CSMD2: variants seen among roughly 807,000 people sequenced by gnomAD.
The protein encoded by CSMD2 is CUB and sushi domain-containing protein 2.
A neutral mutation model predicts 398.5 loss-of-function variants in CSMD2; 130 were observed. The ratio of observed to expected loss-of-function variants is 0.33; its 90% confidence interval spans 0.28 to 0.38. The LOEUF is 0.38. CSMD2 is among the 10% of genes least tolerant of loss of function. The pLI is 1.00. For synonymous variants in CSMD2, 1,828 were observed against 1,908.5 expected (o/e 0.96, Z 1.10); for missense variants, 3,829 against 4,764.9 (o/e 0.80, Z 5.78).
intron 1 of CSMD2, among the ~76,000 whole-genome samples, chr1:34,127,849 CA>C (rs1662902782): frequency 6.6e-6 from 1 of 151,866 alleles, no homozygotes; most frequent in East Asian, 1.9e-4. Context: ...AAGGGATGCA[CA>C]GTGGAGACTG....
rs373767894 is a variant in CSMD2, at chr1:33,825,783, G to T, written c.1034-9C>A. On this transcript the variant is annotated splice_polypyrimidine_tract_variant and intron_variant, in intron 6 of 70. Transcript: ENST00000373381. ...CTCAATTTGCTTCTTGACTAGAGAG[G>T]AGGTAAGAGGAAAAACAATGTGAGT... The T allele has an allele frequency of 6.2e-7, 1 of 1,611,424 alleles. No homozygotes were observed. The highest frequency in any genetic ancestry group is 8.5e-7 in the Non-Finnish European group (1 of 1,178,122).
chr1:33,743,221 T>C, intron 14 of CSMD2, 59 bp downstream of exon 14: 1 of 1,449,520 alleles, frequency 6.9e-7, no homozygotes, highest in Non-Finnish European at 9.4e-7. Flanking sequence ...GCACCTTCGA[T>C]CATCCTCAGA....
chr1:33,866,319 A>T (rs551700879), intron 5 of CSMD2, among the ~76,000 whole-genome samples: 1 of 152,272 alleles, frequency 6.6e-6, no homozygotes, highest in East Asian at 1.9e-4. Context: ...GACAGGAGAG[A>T]TGGACTTGGG....
At position 33,625,118 on chromosome 1, in the gene CSMD2, T is replaced by A. The variant is rs1642027053; in HGVS notation, c.5433A>T (p.Pro1811=). Residue 1811 remains proline (P), a synonymous_variant, in exon 34 of 71, where the codon CCA becomes CCT. Transcript: ENST00000373381. ...CNSGYALQGS[P]EIECLPVPGA... is the part of the protein sequence containing the mutation. Reference sequence around the variant, plus strand: ...CAGGCACAGGGAGGCACTCGATCTCTGGCGACCCCTGCAGGGCATAGCCGG... The same window carrying A: ...CAGGCACAGGGAGGCACTCGATCTCAGGCGACCCCTGCAGGGCATAGCCGG... 1 of 1,613,926 alleles carries A rather than the reference T, an allele frequency of 6.2e-7. No individual in the cohort carries two copies.
intron 58 of CSMD2, among the ~76,000 whole-genome samples, chr1:33,542,465 G>C (rs1267355239): frequency 6.6e-6 from 1 of 152,160 alleles, no homozygotes; most frequent in Non-Finnish European, 1.5e-5. Context: ...TACAAAATGG[G>C]GATAATAGTA....
chr1:33,761,625 C>T (rs1649825741), intron 13 of CSMD2, among the ~76,000 whole-genome samples: 1 of 152,152 alleles, frequency 6.6e-6, no homozygotes, highest in Non-Finnish European at 1.5e-5. Flanking sequence ...AGGGCCTGTC[C>T]TCTTCACTTG....
At chr1:34,156,501 C>T (rs1640817156) in intron 1 of CSMD2, among the ~76,000 whole-genome samples, 1 of 152,216 alleles carries the variant, frequency 6.6e-6, no homozygotes, top group Admixed American at 6.5e-5. Flanking sequence ...ATCCGTCACA[C>T]TCACTTACTT....
intron 4 of CSMD2, among the ~76,000 whole-genome samples, chr1:33,921,782 G>GT (rs1330745989): frequency 1.3e-5 from 2 of 152,130 alleles, no homozygotes; most frequent in Non-Finnish European, 2.9e-5. Context: ...TGGAGAAGAG[G>GT]GTTTTCAGCA....
intron 5 of CSMD2, among the ~76,000 whole-genome samples, chr1:33,872,637 AG>A: frequency 6.6e-6 from 1 of 152,286 alleles, no homozygotes; most frequent in East Asian, 1.9e-4. Flanking sequence ...AGGGAATCTC[AG>A]TGCAATTTAC....
intron 70 of CSMD2, among the ~76,000 whole-genome samples, chr1:33,517,300 G>A (rs2148511633): frequency 6.6e-6 from 1 of 152,288 alleles, no homozygotes; most frequent in East Asian, 1.9e-4. Flanking sequence ...TTCAGAGCCT[G>A]CTGGCAAGGG....
At chr1:33,710,683 G>C (rs991187300) in intron 21 of CSMD2, among the ~76,000 whole-genome samples, 1 of 152,176 alleles carries the variant, frequency 6.6e-6, no homozygotes, top group African/African-American at 2.4e-5. Flanking sequence ...CATTGCTTGG[G>C]CCTTATAGTT....
chr1:33,792,959 A>G (rs371033064), intron 10 of CSMD2, among the ~76,000 whole-genome samples: 2 of 152,026 alleles, frequency 1.3e-5, no homozygotes, highest in South Asian at 4.2e-4. Flanking sequence ...GCTTTTCTCC[A>G]TCCTTTTTGT....
intron 3 of CSMD2, among the ~76,000 whole-genome samples, chr1:34,006,625 T>A (rs1282809847): frequency 6.6e-6 from 1 of 152,200 alleles, no homozygotes; most frequent in Non-Finnish European, 1.5e-5. Flanking sequence ...TGTGAGCTCC[T>A]ACAAGTCACC....
At chr1:33,655,548 C>T (rs888907487) in intron 27 of CSMD2, among the ~76,000 whole-genome samples, 5 of 152,178 alleles carry the variant, frequency 3.3e-5, no homozygotes, top group Non-Finnish European at 5.9e-5. Flanking sequence ...CAGACCTGAG[C>T]CAGGGAGTGG....
chr1:33,541,830 T>G (rs1303195065), intron 58 of CSMD2, among the ~76,000 whole-genome samples: 3 of 152,190 alleles, frequency 2.0e-5, no homozygotes, highest in African/African-American at 7.2e-5. Context: ...TTGAAGAACC[T>G]AAGGTATATT....
At chr1:33,940,761 A>T (rs1020965055) in intron 3 of CSMD2, among the ~76,000 whole-genome samples, 2 of 152,182 alleles carry the variant, frequency 1.3e-5, no homozygotes, top group African/African-American at 4.8e-5. Context: ...TCCTTTCATC[A>T]TTCTAGGCAC....
At chr1:33,615,316 T>C (rs1641312420) in intron 39 of CSMD2, among the ~76,000 whole-genome samples, 1 of 152,214 alleles carries the variant, frequency 6.6e-6, no homozygotes. Flanking sequence ...TCAGTTCTTT[T>C]CTTTTGCATC....
chr1:33,917,058 C>T (rs1030082305), intron 5 of CSMD2, among the ~76,000 whole-genome samples: 4 of 152,180 alleles, frequency 2.6e-5, no homozygotes, highest in African/African-American at 9.6e-5. Flanking sequence ...ACACCTCCTC[C>T]CACCCCTATG....
chr1:33,830,058 G>A (rs922428829), intron 6 of CSMD2, among the ~76,000 whole-genome samples: 2 of 152,244 alleles, frequency 1.3e-5, no homozygotes, highest in African/African-American at 4.8e-5. Context: ...GCCTGCCTCT[G>A]TAGGCTCCAC....
Sources: gnomAD v4.1 joint callset for allele counts (sites outside exome capture counted in the v4.1 genomes callset) on GRCh38, gnomAD v4.1.1 for gene constraint, MANE v1.5 for transcripts, NCBI Gene and HGNC (gene_info 2026-07-23, HGNC 2026-07-21) for gene names.